The following ZFAT variants were observed in gnomAD, a reference collection of about 807,000 sequenced individuals.
ZFAT encodes the protein zinc finger and AT-hook domain containing, also known as zinc finger protein ZFAT.
Under a neutral mutation model 117.7 loss-of-function variants are expected in ZFAT, and 64 were observed. The observed-to-expected ratio is 0.54, with a 90% CI of 0.44 to 0.67. ZFAT has a LOEUF of 0.67. ZFAT is among the 30% of genes least tolerant of loss of function. ZFAT has a pLI of 0.00. For missense variants in ZFAT, 1,433 were observed against 1,584.5 expected, an observed-to-expected ratio of 0.90 and a Z score of 1.62; for synonymous variants, 679 against 615.0, an observed-to-expected ratio of 1.10 and a Z score of -1.54.
chr8:134,518,421 C>T (rs972698600), intron 13 of ZFAT, among the ~76,000 whole-genome samples: 1 of 152,172 alleles, frequency 6.6e-6, no homozygotes, highest in Non-Finnish European at 1.5e-5. Flanking sequence ...TTCCCCACAG[C>T]TTTTCCAGCA....
At chr8:134,641,369 T>C (rs1184427031) in intron 2 of ZFAT, among the ~76,000 whole-genome samples, 1 of 152,138 alleles carries the variant, frequency 6.6e-6, no homozygotes, top group Non-Finnish European at 1.5e-5. Flanking sequence ...TTACTTGTAC[T>C]ATTCTCCCAA....
At chr8:134,716,282 C>A (rs558776152), upstream of ZFAT, among the ~76,000 whole-genome samples, 65 of 151,782 alleles carry the variant, frequency 4.3e-4, no homozygotes, top group Non-Finnish European at 5.3e-4. Flanking sequence ...AGTTAAAAAT[C>A]TAAATAGGCA....
chr8:134,746,287 G>A, the ZFAT span, among the ~76,000 whole-genome samples: 7 of 152,130 alleles, frequency 4.6e-5, no homozygotes, highest in Non-Finnish European at 1.0e-4. Flanking sequence ...CTGATCATCT[G>A]TAATTCTATT....
At chr8:134,811,010 GA>G in the ZFAT span, among the ~76,000 whole-genome samples, 43 of 140,314 alleles carry the variant, frequency 3.1e-4, no homozygotes, top group African/African-American at 6.0e-4. Context: ...AACAGTAAAA[GA>G]AAAAAAAAAG....
intron 7 of ZFAT, among the ~76,000 whole-genome samples, chr8:134,593,518 G>A (rs998967554): frequency 1.1e-4 from 17 of 152,126 alleles, no homozygotes; most frequent in African/African-American, 3.4e-4. Flanking sequence ...CCTTAATGAC[G>A]GTAGGAGAGC....
chr8:134,648,319 C>T (rs1309273770), intron 2 of ZFAT, among the ~76,000 whole-genome samples: 1 of 150,372 alleles, frequency 6.7e-6, no homozygotes, highest in African/African-American at 2.4e-5. Flanking sequence ...ATAATAATGC[C>T]TAGAATGGAA....
intron 1 of ZFAT, among the ~76,000 whole-genome samples, chr8:134,693,658 C>A (rs1176679530): frequency 6.6e-6 from 1 of 151,938 alleles, no homozygotes; most frequent in African/African-American, 2.4e-5. Flanking sequence ...CTAGTAAATG[C>A]GGAAGAAATG....
the ZFAT span, among the ~76,000 whole-genome samples, chr8:134,828,040 T>C: frequency 1.1e-4 from 17 of 152,352 alleles, no homozygotes; most frequent in African/African-American, 4.1e-4. Flanking sequence ...TTTACATGTA[T>C]TTTTTAAAAA....
At chr8:134,646,903 A>G (rs1388470570) in intron 2 of ZFAT, among the ~76,000 whole-genome samples, 2 of 152,216 alleles carry the variant, frequency 1.3e-5, no homozygotes, top group Non-Finnish European at 2.9e-5. Context: ...TGAATCAGTA[A>G]TCAAAATCTC....
chr8:134,655,807 T>C (rs553415280), intron 2 of ZFAT, among the ~76,000 whole-genome samples: 1 of 152,292 alleles, frequency 6.6e-6, no homozygotes, highest in Non-Finnish European at 1.5e-5. Context: ...GCCATATGAA[T>C]TGGACAAGAG....
chr8:134,725,545 G>A, the ZFAT span, among the ~76,000 whole-genome samples: 1 of 152,042 alleles, frequency 6.6e-6, no homozygotes, highest in Non-Finnish European at 1.5e-5. Context: ...CACAAGAACA[G>A]CAGCAAAGGT....
the ZFAT span, among the ~76,000 whole-genome samples, chr8:134,752,095 T>G: frequency 2.0e-5 from 3 of 152,202 alleles, no homozygotes; most frequent in Admixed American, 6.5e-5. Context: ...CTCCGTTAAC[T>G]TTGTCCTCCT....
intron 1 of ZFAT, among the ~76,000 whole-genome samples, chr8:134,697,164 G>A (rs1485344466): frequency 6.6e-6 from 1 of 152,040 alleles, no homozygotes; most frequent in African/African-American, 2.4e-5. Flanking sequence ...ACCCAGGCTG[G>A]AGTGCAGTGG....
chr8:134,683,793 A>G (rs1833185721), intron 1 of ZFAT, among the ~76,000 whole-genome samples: 1 of 152,136 alleles, frequency 6.6e-6, no homozygotes, highest in African/African-American at 2.4e-5. Context: ...GGGGTGGGGC[A>G]CTTAGAAAGC....
chr8:134,831,242 T>C, the ZFAT span, among the ~76,000 whole-genome samples: 1 of 152,196 alleles, frequency 6.6e-6, no homozygotes, highest in African/African-American at 2.4e-5. Context: ...TTTGTGTATA[T>C]TATTTGTAAA....
intron 15 of ZFAT, among the ~76,000 whole-genome samples, chr8:134,488,160 C>A (rs531213874): frequency 6.6e-6 from 1 of 152,332 alleles, no homozygotes; most frequent in South Asian, 2.1e-4. Context: ...CACCTCACGG[C>A]CCAGATGCTA....
the ZFAT span, among the ~76,000 whole-genome samples, chr8:134,827,570 C>T: frequency 6.6e-6 from 1 of 151,934 alleles, no homozygotes; most frequent in African/African-American, 2.4e-5. Context: ...GAGTTTGAGA[C>T]CAGCCTGGCC....
chr8:134,565,145 C>T, intron 11 of ZFAT, 188 bp downstream of exon 11: 6 of 1,527,620 alleles, frequency 3.9e-6, no homozygotes, highest in Non-Finnish European at 3.5e-6. Context: ...CAGAGCAATG[C>T]TACGCTTCTG....
intron 10 of ZFAT, among the ~76,000 whole-genome samples, chr8:134,574,180 C>T (rs534498821): frequency 2.0e-5 from 3 of 152,262 alleles, no homozygotes; most frequent in East Asian, 1.9e-4. Flanking sequence ...AGGGTACCTG[C>T]CTTGCTGAAG....
Sources: allele counts gnomAD v4.1 joint callset (sites outside exome capture counted in the v4.1 genomes callset), GRCh38; gene constraint gnomAD v4.1.1; transcripts MANE v1.5; gene names NCBI Gene and HGNC (gene_info 2026-07-23, HGNC 2026-07-21).